The following MME variants were observed in gnomAD, a reference collection of about 807,000 sequenced individuals.
The protein encoded by MME is membrane metalloendopeptidase.
Under a neutral mutation model 113.2 loss-of-function variants are expected in MME, and 98 were observed. The ratio of observed to expected loss-of-function variants is 0.87; its 90% CI spans 0.74 to 1.02. The LOEUF (loss-of-function observed/expected upper bound fraction) is 1.02, where lower values mean the gene tolerates loss of function less well. Among genes scored for constraint, MME ranks in the 50% least tolerant of loss-of-function variants. MME has a pLI of 0.00. For synonymous variants in MME, 292 were observed against 300.6 expected (o/e 0.97, Z 0.30); for missense variants, 836 against 896.0 (o/e 0.93, Z 0.86).
chr3:155,085,438 C>A lies in MME; in HGVS notation c.196+344C>A, dbSNP rs1715602807. 2.3e-5 allele frequency: 4 copies of A among 171,090 alleles called. No homozygotes were observed. In the South Asian group the frequency reaches 5.7e-4, roughly 24 times the overall value. The allele number at this position is 171,090 out of a possible 1,614,324, so 10.6% of individuals were successfully genotyped here. ...TTGTGTTAAATGTCTCAGTGCACCT[C>A]ACTAGGTGGGTGAGAAGAAGGGAGT... On this transcript the variant is annotated intron_variant, in intron 3 of 22. Coordinates refer to ENST00000360490, the MANE Select transcript of MME (RefSeq NM_007289.4).
intron 1 of MME, among the ~76,000 whole-genome samples, chr3:155,026,030 A>G (rs1229925430): frequency 6.6e-6 from 1 of 152,016 alleles, no homozygotes; most frequent in Non-Finnish European, 1.5e-5. Context: ...AAAGCCAAAC[A>G]CAGAAAGAAA....
chr3:155,095,572 G>A (rs977077488), intron 3 of MME, among the ~76,000 whole-genome samples: 22 of 151,678 alleles, frequency 1.5e-4, no homozygotes, highest in Non-Finnish European at 1.2e-4. Context: ...TAGAGGCAGG[G>A]TCTCCTTATG....
At chr3:155,113,960 G>T (rs28691749) in intron 3 of MME, among the ~76,000 whole-genome samples, 2 of 152,044 alleles carry the variant, frequency 1.3e-5, no homozygotes, top group Non-Finnish European at 1.5e-5. Context: ...TGGTTCAATG[G>T]GGGGGCTTGA....
At chr3:155,179,731 T>G (rs1361645151) in intron 22 of MME, among the ~76,000 whole-genome samples, 1 of 152,204 alleles carries the variant, frequency 6.6e-6, no homozygotes, top group African/African-American at 2.4e-5. Flanking sequence ...TGGACTGTGT[T>G]GTTTTTGCCC....
intron 18 of MME, 135 bp from the exon 19 acceptor site, chr3:155,168,357 A>G (rs1711554162): frequency 1.2e-6 from 1 of 811,224 alleles, no homozygotes; most frequent in African/African-American, 1.7e-5. Flanking sequence ...AGGAGGGATG[A>G]CAGTCTCTCT....
chr3:155,176,042 A>G (rs1439395049), intron 22 of MME, among the ~76,000 whole-genome samples: 1 of 152,194 alleles, frequency 6.6e-6, no homozygotes. Context: ...TTTGCTTTGA[A>G]AGAATCATAA....
At chr3:155,039,939 T>G (rs144082818) in intron 1 of MME, among the ~76,000 whole-genome samples, 25 of 152,188 alleles carry the variant, frequency 1.6e-4, no homozygotes, top group Non-Finnish European at 2.5e-4. Flanking sequence ...AAGATAAAAT[T>G]TTTTTAACAA....
At chr3:155,071,237 A>G (rs1326219469) in intron 1 of MME, among the ~76,000 whole-genome samples, 1 of 152,168 alleles carries the variant, frequency 6.6e-6, no homozygotes, top group African/African-American at 2.4e-5. Context: ...CATCTGGGAG[A>G]CATGAGGGGA....
rs1721284225 is a variant in MME, at chr3:155,143,564, A to G, written c.1310A>G (p.Lys437Arg). The change falls in exon 13 of 23, where the codon AAA (lysine) becomes AGA (arginine). Residue 437 changes from lysine (K) to arginine (R), a missense_variant. Coordinates refer to ENST00000360490, the MANE Select transcript of MME (RefSeq NM_007289.4). Reference protein sequence around the residue: ...YVEAAFAGESKHVVEDLIAQI... With the variant: ...YVEAAFAGESRHVVEDLIAQI... ...GAAGCAGCATTTGCTGGAGAGAGTAAACATGTGGTAATGTTTTCAGAATAA... is the reference window on the plus strand; with the variant it reads ...GAAGCAGCATTTGCTGGAGAGAGTAGACATGTGGTAATGTTTTCAGAATAA... 3 of 1,611,898 alleles carry G rather than the reference A, an allele frequency of 1.9e-6. No individual in the cohort carries two copies. Among genetic ancestry groups the G allele is most frequent in the Non-Finnish European group, 1.7e-6 (2 of 1,178,444 alleles).
intron 1 of MME, among the ~76,000 whole-genome samples, chr3:155,049,355 T>C (rs530538061): frequency 2.6e-5 from 4 of 152,184 alleles, no homozygotes; most frequent in African/African-American, 7.2e-5. Flanking sequence ...TAAAGATCAA[T>C]GTACAGACTG....
intron 1 of MME, among the ~76,000 whole-genome samples, chr3:155,068,154 A>C (rs1175324556): frequency 6.6e-6 from 1 of 152,254 alleles, no homozygotes; most frequent in Non-Finnish European, 1.5e-5. Flanking sequence ...AATTATGCTG[A>C]ATGTAAAAAG....
chr3:155,152,945 G>A (rs1288595766), intron 16 of MME, among the ~76,000 whole-genome samples: 2 of 151,948 alleles, frequency 1.3e-5, no homozygotes, highest in Non-Finnish European at 2.9e-5. Flanking sequence ...AAGTCAGGAA[G>A]TCTGCATGTG....
intron 22 of MME, among the ~76,000 whole-genome samples, chr3:155,177,444 T>A (rs1279527855): frequency 6.6e-6 from 1 of 152,210 alleles, no homozygotes; most frequent in African/African-American, 2.4e-5. Flanking sequence ...CCTGAAAGAC[T>A]AAAGACCAAT....
At chr3:155,074,557 G>C (rs1559900529) in intron 1 of MME, among the ~76,000 whole-genome samples, 1 of 151,866 alleles carries the variant, frequency 6.6e-6, no homozygotes, top group Admixed American at 6.6e-5. Flanking sequence ...TCAGCCTCCT[G>C]AGTAGCTGGG....
At chr3:155,114,853 C>T (rs1324147974) in intron 3 of MME, 141 bp from the exon 4 acceptor site, 20 of 783,626 alleles carry the variant, frequency 2.6e-5, no homozygotes, top group Non-Finnish European at 3.7e-5. Context: ...CCTCATCCCC[C>T]TGAATTGACT....
At position 155,138,099 on chromosome 3, in the gene MME, C is replaced by T. The variant is rs368924551; in HGVS notation, c.721-3C>T. On this transcript the variant is annotated splice_region_variant and splice_polypyrimidine_tract_variant and intron_variant, in intron 8 of 22. Transcript: ENST00000360490. ...ACAGTTTAGTGCTATTTTTTTCTTG[C>T]AGGCTTGTACAGCATATGTGGATTT... 25 of 1,613,294 alleles carry T rather than the reference C, an allele frequency of 1.5e-5. No homozygotes were observed. Among genetic ancestry groups the T allele is most frequent in the Middle Eastern group, 1.6e-4 (1 of 6,080 alleles).
chr3:155,161,055 T>C (rs185719175), intron 17 of MME, among the ~76,000 whole-genome samples: 1 of 152,244 alleles, frequency 6.6e-6, no homozygotes, highest in Admixed American at 6.6e-5. Flanking sequence ...ATTACAGACA[T>C]ATATATACAT....
chr3:155,063,920 G>A (rs926395843), intron 1 of MME, among the ~76,000 whole-genome samples: 1 of 151,534 alleles, frequency 6.6e-6, no homozygotes, highest in South Asian at 2.1e-4. Flanking sequence ...GGGAGATGGG[G>A]GCTTTACAGA....
In MME at chr3:155,174,312, A is replaced by G. The variant is rs1157565919; in HGVS notation, c.2153+1700A>G. Among the ~76,000 whole-genome samples, 3 of 147,204 alleles carry G rather than the reference A, an allele frequency of 2.0e-5. No individual in the cohort carries two copies. The East Asian group carries it at 6.1e-4, about 30-fold the overall frequency. ...ATCCCTCATCGACTATTTTTCATTC[A>G]TAACAACAGAAGCGTGTGTGTGTGT... On this transcript the variant is annotated intron_variant, in intron 22 of 22. Coordinates refer to ENST00000360490, the MANE Select transcript of MME (RefSeq NM_007289.4).
Sources: gnomAD v4.1 joint callset for allele counts (sites outside exome capture counted in the v4.1 genomes callset) on GRCh38, gnomAD v4.1.1 for gene constraint, MANE v1.5 for transcripts, NCBI Gene and HGNC (gene_info 2026-07-23, HGNC 2026-07-21) for gene names.